The following TMC5 variants were observed in gnomAD, a reference collection of about 807,000 sequenced individuals.
TMC5 encodes transmembrane channel-like protein 5.
In TMC5, 86 loss-of-function variants were observed where a neutral mutation model predicts 110.5. The observed-to-expected ratio is 0.78, with a 90% CI of 0.65 to 0.93. The LOEUF (loss-of-function observed/expected upper bound fraction) is 0.93. Ranked by LOEUF, TMC5 falls within the 40% of genes least tolerant of loss-of-function variation. The probability of loss-of-function intolerance (pLI) is 0.00; values close to 1 mark genes in which losing one functional copy is unlikely to be tolerated. For synonymous variants in TMC5, 455 were observed against 439.5 expected, an observed-to-expected ratio of 1.04 and a Z score of -0.44; for missense variants, 1,144 against 1,222.8, an observed-to-expected ratio of 0.94 and a Z score of 0.96.
chr16:19,417,157 G>A (rs979382874), upstream of TMC5, among the ~76,000 whole-genome samples: 14 of 149,908 alleles, frequency 9.3e-5, no homozygotes, highest in Non-Finnish European at 1.8e-4. Flanking sequence ...AGTGGCTTAC[G>A]CCTGTAATCT....
intron 12 of TMC5, among the ~76,000 whole-genome samples, chr16:19,475,467 C>A (rs1307832418): frequency 6.6e-6 from 1 of 151,126 alleles, no homozygotes; most frequent in African/African-American, 2.4e-5. Context: ...GACTGAGTTT[C>A]TTTGCTGATC....
intron 20 of TMC5, 26 bp downstream of exon 20, chr16:19,494,392 C>T: frequency 6.4e-7 from 1 of 1,571,162 alleles, no homozygotes; most frequent in African/African-American, 1.4e-5. Flanking sequence ...GCCTTGGGGA[C>T]CCCTGGGACA....
At chr16:19,419,376 G>A (rs2143340870) in intron 1 of TMC5, among the ~76,000 whole-genome samples, 1 of 142,490 alleles carries the variant, frequency 7.0e-6, no homozygotes, top group Middle Eastern at 3.9e-3. Flanking sequence ...GAGGGGAAAA[G>A]AAGCTCAGTG....
chr16:19,421,725 C>G (rs1966986319), intron 1 of TMC5, among the ~76,000 whole-genome samples: 2 of 152,206 alleles, frequency 1.3e-5, no homozygotes, highest in South Asian at 4.1e-4. Flanking sequence ...TGATGTCATA[C>G]TTACCCAGCA....
intron 2 of TMC5, among the ~76,000 whole-genome samples, chr16:19,436,187 G>T (rs1055027044): frequency 6.6e-6 from 1 of 151,258 alleles, no homozygotes; most frequent in East Asian, 1.9e-4. Context: ...CTTGAACCCG[G>T]GGATGGGGGT....
intron 13 of TMC5, 99 bp from the exon 14 acceptor site, chr16:19,479,332 A>G (rs1445600452): frequency 1.5e-5 from 14 of 910,404 alleles, no homozygotes; most frequent in Non-Finnish European, 2.6e-5. Context: ...AAACCCAACC[A>G]TTAGCTATGT....
chr16:19,469,905 T>C (rs1968287798), intron 10 of TMC5, 80 bp downstream of exon 10: 4 of 1,505,040 alleles, frequency 2.7e-6, no homozygotes, highest in East Asian at 2.3e-5. Context: ...TTTCTTTTTT[T>C]TTTTTTTGAA....
intron 11 of TMC5, among the ~76,000 whole-genome samples, chr16:19,473,140 G>A (rs951882363): frequency 6.6e-5 from 10 of 152,104 alleles, no homozygotes; most frequent in Admixed American, 5.9e-4. Context: ...GAGATCAGGA[G>A]TTTGAGACTA....
intron 3 of TMC5, among the ~76,000 whole-genome samples, 180 bp downstream of exon 3, chr16:19,441,006 T>C (rs1484953201): frequency 3.9e-5 from 6 of 152,196 alleles, no homozygotes; most frequent in Non-Finnish European, 8.8e-5. Context: ...GACTCTCAGT[T>C]TGAGGCTTCA....
At chr16:19,452,996 A>G (rs963327829) in intron 5 of TMC5, among the ~76,000 whole-genome samples, 8 of 119,988 alleles carry the variant, frequency 6.7e-5, no homozygotes, top group Non-Finnish European at 1.5e-4. Flanking sequence ...GGTGGGAAAA[A>G]ATTATATATA....
intron 1 of TMC5, among the ~76,000 whole-genome samples, chr16:19,429,118 G>C (rs1967145334): frequency 6.6e-6 from 1 of 152,102 alleles, no homozygotes; most frequent in Non-Finnish European, 1.5e-5. Flanking sequence ...GAGCCACCAT[G>C]CCCGACCAGT....
At chr16:19,465,001 G>GTCTTTCTTTCTTTCTT (rs71375641) in intron 8 of TMC5, among the ~76,000 whole-genome samples, 4 of 73,672 alleles carry the variant, frequency 5.4e-5, no homozygotes, top group Non-Finnish European at 9.0e-5. Context: ...CTTTCCTTTT[G>GTCTTTCTTTCTTTCTT]TCTTTCTTTC....
chr16:19,425,317 G>C (rs1013932612), intron 1 of TMC5, among the ~76,000 whole-genome samples: 28 of 141,002 alleles, frequency 2.0e-4, no homozygotes, highest in African/African-American at 7.3e-4. Context: ...GTCCAGGTGA[G>C]TTGAGTTTGC....
intron 17 of TMC5, among the ~76,000 whole-genome samples, chr16:19,489,595 A>G (rs1233150828): frequency 4.6e-5 from 7 of 151,154 alleles, no homozygotes; most frequent in Non-Finnish European, 1.0e-4. Flanking sequence ...CGGCCTCCCA[A>G]AGTGCTGGGA....
Position 19,490,472 on chromosome 16 carries a change from C to T in TMC5, c.2651C>T (p.Thr884Ile). The T allele has an allele frequency of 6.2e-7, 1 of 1,614,114 alleles. No individual in the cohort carries two copies. The highest frequency in any genetic ancestry group is 8.5e-7 in the Non-Finnish European group (1 of 1,180,030). ...CACTCCATCTACAGCTGGATCGACACCCTAAGTACACGGCCTGGCTACCTG... is the reference window on the plus strand; with the variant it reads ...CACTCCATCTACAGCTGGATCGACATCCTAAGTACACGGCCTGGCTACCTG... The part of the protein sequence containing the change: ...FIHSIYSWID[T>I]LSTRPGYLWV... The change falls in exon 18 of 22, where the codon ACC (threonine) becomes ATC (isoleucine). Residue 884 changes from threonine to isoleucine, a missense_variant. Coordinates refer to ENST00000542583, the MANE Select transcript of TMC5 (RefSeq NM_001261841.2).
rs1597208199 is a variant in TMC5 at position 19,477,293 on chromosome 16, A to G, written c.2091-147A>G. The G allele has an allele frequency of 6.2e-6, 4 of 641,962 alleles. No individual in the cohort carries two copies. The East Asian group carries it at 8.3e-5, about 13-fold the overall frequency. The allele number at this position is 641,962 out of a possible 1,614,324, so 39.8% of individuals were successfully genotyped here. A position where few individuals can be genotyped will look rare whatever the true frequency, so the allele number is the denominator to read the frequency against. On this transcript the variant is annotated intron_variant, in intron 12 of 21. Coordinates refer to ENST00000542583, the MANE Select transcript of TMC5 (RefSeq NM_001261841.2). ...GTGACACACATTGCTTCTGTTCACA[A>G]TTCATTCACTGGAACTAGCCATGTG...
At chr16:19,485,448 C>T (rs1429032289) in intron 15 of TMC5, among the ~76,000 whole-genome samples, 1 of 152,132 alleles carries the variant, frequency 6.6e-6, no homozygotes, top group Admixed American at 6.5e-5. Context: ...AGGTGCCTGC[C>T]ACCACGCCCA....
rs1381722595 is a variant in TMC5 at position 19,469,762 on chromosome 16, C to G, written c.1719C>G (p.Asp573Glu). The G allele has an allele frequency of 6.2e-7, 1 of 1,614,082 alleles. No individual in the cohort carries two copies. Among genetic ancestry groups the G allele is most frequent in the African/African-American group, 1.3e-5 (1 of 74,956 alleles). ...GGITKLIFCWDFTVTHEKAVK... is the reference protein window; with the variant it reads ...GGITKLIFCWEFTVTHEKAVK... ...TCACCAAGCTGATCTTTTGCTGGGA[C>G]TTCACTGTCACTCATGAAAAAGCTG... Residue 573 changes from aspartate (D) to glutamate (E), a missense_variant, in exon 10 of 22, where the codon GAC becomes GAG. Physicochemically the swap from Asp to Glu is conservative, Grantham distance 45. Coordinates refer to ENST00000542583, the MANE Select transcript of TMC5 (RefSeq NM_001261841.2).
intron 13 of TMC5, among the ~76,000 whole-genome samples, chr16:19,479,097 A>C (rs951704665): frequency 6.6e-6 from 1 of 152,220 alleles, no homozygotes; most frequent in Non-Finnish European, 1.5e-5. Context: ...GCTCTGTTGA[A>C]GAAACCGATT....
Sources: gnomAD v4.1 joint callset for allele counts (sites outside exome capture counted in the v4.1 genomes callset) on GRCh38, gnomAD v4.1.1 for gene constraint, MANE v1.5 for transcripts, NCBI Gene and HGNC (gene_info 2026-07-23, HGNC 2026-07-21) for gene names.